XRCC2: variants seen among roughly 807,000 people sequenced by gnomAD.
XRCC2 encodes the protein DNA repair protein XRCC2.
Under a neutral mutation model 27.3 loss-of-function variants are expected in XRCC2, and 24 were observed. The observed-to-expected ratio is 0.88, with a 90% CI of 0.64 to 1.24. XRCC2 has a LOEUF of 1.24. Ranked by LOEUF, XRCC2 falls within the 50% of genes most tolerant of loss-of-function variation. XRCC2 has a pLI of 0.00. For missense variants in XRCC2, 321 were observed against 325.8 expected (o/e 0.99, Z 0.11); for synonymous variants, 106 against 115.4 (o/e 0.92, Z 0.52).
intron 2 of XRCC2, among the ~76,000 whole-genome samples, chr7:152,659,042 T>C (rs1417707119): frequency 6.6e-6 from 1 of 152,236 alleles, no homozygotes; most frequent in African/African-American, 2.4e-5. Context: ...TTGAGGAACC[T>C]CCATACTGTT....
At chr7:152,659,685 T>C (rs2098032234) in intron 2 of XRCC2, among the ~76,000 whole-genome samples, 1 of 126,976 alleles carries the variant, frequency 7.9e-6, no homozygotes, top group Non-Finnish European at 1.6e-5. Flanking sequence ...TTGCTGGCAA[T>C]GCAATGATGG....
intron 1 of XRCC2, among the ~76,000 whole-genome samples, chr7:152,665,486 C>CTT (rs1563032158): frequency 1.7e-4 from 6 of 35,788 alleles, no homozygotes; most frequent in African/African-American, 2.6e-4. Flanking sequence ...GTAAGACAAA[C>CTT]CTTTTTTTTT....
rs887607727 is a variant in XRCC2 at position 152,673,334 on chromosome 7, C to G, written c.39+2707G>C. Among the ~76,000 whole-genome samples, 4 of 151,458 alleles carry G rather than the reference C, an allele frequency of 2.6e-5. No homozygotes were observed. The East Asian group carries it at 7.8e-4, about 29-fold the overall frequency. Reference sequence around the variant, plus strand: ...AGTAGCTGGGATTACAGGCGCCCACCACCACACCCAGCTAATTTTTTTTAT... The same window carrying G: ...AGTAGCTGGGATTACAGGCGCCCACGACCACACCCAGCTAATTTTTTTTAT... On this transcript the variant is annotated intron_variant, in intron 1 of 2. Coordinates refer to ENST00000359321, the MANE Select transcript of XRCC2 (RefSeq NM_005431.2).
intron 2 of XRCC2, among the ~76,000 whole-genome samples, chr7:152,649,676 C>T (rs947311726): frequency 6.6e-6 from 1 of 152,178 alleles, no homozygotes; most frequent in Non-Finnish European, 1.5e-5. Flanking sequence ...ACAGTACACA[C>T]CCTTTCTGGT....
At chr7:152,660,949 G>A (rs1335581335) in intron 1 of XRCC2, among the ~76,000 whole-genome samples, 167 bp from the exon 2 acceptor site, 3 of 152,158 alleles carry the variant, frequency 2.0e-5, no homozygotes, top group South Asian at 2.1e-4. Context: ...TGGGCAGATC[G>A]CTTGAGTCCA....
chr7:152,651,451 C>T (rs1409533379), intron 2 of XRCC2, among the ~76,000 whole-genome samples: 1 of 146,104 alleles, frequency 6.8e-6, no homozygotes, highest in Non-Finnish European at 1.5e-5. Context: ...AAAAAGCCAC[C>T]CATGGTGGTG....
In XRCC2 at chr7:152,676,137, C is replaced by T; in HGVS notation, c.-58G>A. 2 of 1,611,198 alleles carry T rather than the reference C, an allele frequency of 1.2e-6. No individual in the cohort carries two copies. The highest frequency in any genetic ancestry group is 2.2e-5 in the East Asian group (1 of 44,858). On this transcript the variant is annotated 5_prime_UTR_variant, in exon 1 of 3. Coordinates refer to ENST00000359321, the MANE Select transcript of XRCC2 (RefSeq NM_005431.2). ...CTTTCCCGCCACCAACGCCATTCAC[C>T]AACTGCGCAGACTCTACGGCCAGTC... is the stretch of plus-strand genomic sequence containing the variant.
chr7:152,648,796 G>A lies in XRCC2; in HGVS notation c.689C>T (p.Ala230Val). 6.2e-7 allele frequency: 1 copy of A among 1,614,198 alleles called. No homozygotes were observed. Among genetic ancestry groups the A allele is most frequent in the Non-Finnish European group, 8.5e-7 (1 of 1,180,040 alleles). The change falls in exon 3 of 3, where the codon GCA becomes GTA. Residue 230 changes from alanine to valine, a missense_variant. By Grantham distance (64) the Ala-to-Val change is moderately conservative. Transcript: ENST00000359321. ...CCTGTGCTTCACCAGTTGCTGCCAT[G>A]CCTTACAGAGATAAGGTCTGTAGTC... ...DIDYRPYLCK[A>V]WQQLVKHRMF...
At chr7:152,651,088 C>T (rs1344553584) in intron 2 of XRCC2, among the ~76,000 whole-genome samples, 13 of 147,780 alleles carry the variant, frequency 8.8e-5, no homozygotes, top group African/African-American at 1.5e-4. Context: ...TACAGGCGTG[C>T]GCTACCGCGC....
intron 1 of XRCC2, among the ~76,000 whole-genome samples, chr7:152,666,720 C>T (rs980675548): frequency 6.6e-6 from 1 of 151,278 alleles, no homozygotes; most frequent in African/African-American, 2.4e-5. Flanking sequence ...TGGGTTGAAG[C>T]GATTCTTCTG....
chr7:152,658,824 C>G (rs2116997774), intron 2 of XRCC2, among the ~76,000 whole-genome samples: 1 of 152,354 alleles, frequency 6.6e-6, no homozygotes, highest in South Asian at 2.1e-4. Context: ...ATACACCACT[C>G]AACCATTGAT....
At chr7:152,652,049 C>T (rs972168591) in intron 2 of XRCC2, among the ~76,000 whole-genome samples, 2 of 151,586 alleles carry the variant, frequency 1.3e-5, no homozygotes, top group African/African-American at 4.8e-5. Flanking sequence ...CATGTGCCTA[C>T]AGTCCCAGTC....
intron 1 of XRCC2, among the ~76,000 whole-genome samples, chr7:152,665,784 G>A: frequency 7.9e-6 from 1 of 126,242 alleles, no homozygotes; most frequent in Admixed American, 7.8e-5. Context: ...ACCTGGCCAA[G>A]GTCTTAAGAT....
intron 2 of XRCC2, among the ~76,000 whole-genome samples, chr7:152,652,569 G>A (rs2098028998): frequency 1.3e-5 from 2 of 152,162 alleles, no homozygotes; most frequent in African/African-American, 2.4e-5. Flanking sequence ...GGTAGGGAAA[G>A]CAAACTCTAT....
In XRCC2 at chr7:152,644,864, T is replaced by C. The variant is rs1327699341; in HGVS notation, c.*3778A>G. 2.0e-5 allele frequency: 3 copies of C among 152,238 alleles called. No homozygotes were observed. Among genetic ancestry groups the C allele is most frequent in the Admixed American group, 2.0e-4 (3 of 15,286 alleles). The allele number at this position is 152,238 out of a possible 1,614,324, so 9.4% of individuals were successfully genotyped here. ...TGAAAATGTCAAATCCTGGAAAATG[T>C]AGTATTCCTACACGTGATGTTAACA... On this transcript the variant is annotated 3_prime_UTR_variant, in exon 3 of 3. Transcript: ENST00000359321.
intron 1 of XRCC2, among the ~76,000 whole-genome samples, chr7:152,667,345 C>A (rs147040597): frequency 7.8e-6 from 1 of 128,240 alleles, no homozygotes; most frequent in Non-Finnish European, 1.6e-5. Context: ...GCAGAGGTTG[C>A]GGTGAGCCGA....
chr7:152,649,481 T>A lies in XRCC2; in HGVS notation c.122-118A>T. ...ACTGGAATGTGAAAGAAAATCTAAA[T>A]TCACTTTTGCCAAAATGGAGCTGTA... On this transcript the variant is annotated intron_variant, in intron 2 of 2. Transcript: ENST00000359321. The A allele has an allele frequency of 1.5e-6, 2 of 1,303,422 alleles. 1 individual carries two copies. The allele number at this position is 1,303,422 out of a possible 1,614,324, so 80.7% of individuals were successfully genotyped here. A position where few individuals can be genotyped will look rare whatever the true frequency, so the allele number is the denominator to read the frequency against.
In XRCC2 at chr7:152,667,576, C is replaced by T. The variant is rs544120852; in HGVS notation, c.40-6794G>A. Reference sequence around the variant, plus strand: ...TTTAATTTCAAAGGAGAAAAACTGTCCACCACTGAGAATATCCAAAGCAAC... The same window carrying T: ...TTTAATTTCAAAGGAGAAAAACTGTTCACCACTGAGAATATCCAAAGCAAC... On this transcript the variant is annotated intron_variant, in intron 1 of 2. Coordinates refer to ENST00000359321, the MANE Select transcript of XRCC2 (RefSeq NM_005431.2). Among the ~76,000 whole-genome samples, 13 of 151,844 alleles carry T rather than the reference C, an allele frequency of 8.6e-5. No homozygotes were observed. In the South Asian group the frequency reaches 1.7e-3, roughly 20 times the overall value.
chr7:152,666,610 C>G (rs1261058969), intron 1 of XRCC2, among the ~76,000 whole-genome samples: 1 of 148,946 alleles, frequency 6.7e-6, no homozygotes, highest in Non-Finnish European at 1.5e-5. Context: ...AAGAAAAATA[C>G]AGATTCTTTA....
Sources: allele counts gnomAD v4.1 joint callset (sites outside exome capture counted in the v4.1 genomes callset), GRCh38; gene constraint gnomAD v4.1.1; transcripts MANE v1.5; gene names NCBI Gene and HGNC (gene_info 2026-07-23, HGNC 2026-07-21).